TIAM1: variants seen among roughly 807,000 people sequenced by gnomAD.
TIAM1 encodes the protein rho guanine nucleotide exchange factor TIAM1.
A neutral mutation model predicts 163.5 loss-of-function variants in TIAM1; 65 were observed. The ratio of observed to expected loss-of-function variants is 0.40; its 90% CI spans 0.33 to 0.49. The LOEUF (loss-of-function observed/expected upper bound fraction) is 0.49, where lower values mean the gene tolerates loss of function less well. TIAM1 is among the 20% of genes least tolerant of loss of function. The pLI is 0.77. For synonymous variants in TIAM1, 833 were observed against 810.1 expected (o/e 1.03, Z -0.48); for missense variants, 1,789 against 2,044.7 (o/e 0.87, Z 2.41).
In TIAM1 at chr21:31,118,908, G is replaced by A. The variant is rs2081901563; in HGVS notation, c.*1460C>T. 1 of 232,922 alleles carries A rather than the reference G, an allele frequency of 4.3e-6. No homozygotes were observed. 14.4% of individuals were successfully genotyped at this position (232,922 alleles called of 1,614,324 possible). Reference sequence around the variant, plus strand: ...TGATGTACTGAACTCTCTATTGTCTGGAAATATAAAGTCATAACTGATTTT... The same window carrying A: ...TGATGTACTGAACTCTCTATTGTCTAGAAATATAAAGTCATAACTGATTTT... On this transcript the variant is annotated 3_prime_UTR_variant, in exon 28 of 28. Coordinates refer to ENST00000541036, the MANE Select transcript of TIAM1 (RefSeq NM_001353694.2).
chr21:31,127,975 A>G (rs1347077437), intron 25 of TIAM1, among the ~76,000 whole-genome samples: 1 of 152,180 alleles, frequency 6.6e-6, no homozygotes, highest in Non-Finnish European at 1.5e-5. Flanking sequence ...CACAGCAGAA[A>G]ATGGTATATC....
intron 2 of TIAM1, among the ~76,000 whole-genome samples, chr21:31,448,322 A>T (rs1177442923): frequency 6.6e-6 from 1 of 152,152 alleles, no homozygotes; most frequent in African/African-American, 2.4e-5. Context: ...TGCAACTTGG[A>T]GGCCAGGCGC....
At chr21:31,213,213 C>T (rs750111653) in intron 10 of TIAM1, 185 bp downstream of exon 10, 13 of 537,030 alleles carry the variant, frequency 2.4e-5, no homozygotes, top group Non-Finnish European at 3.9e-5. Flanking sequence ...GTTCCCTCTA[C>T]CACTCAGTTT....
At chr21:31,470,440 G>A (rs2045700042) in intron 1 of TIAM1, among the ~76,000 whole-genome samples, 1 of 151,748 alleles carries the variant, frequency 6.6e-6, no homozygotes, top group Non-Finnish European at 1.5e-5. Flanking sequence ...TTCAAGCGAT[G>A]CTCCTGCCTC....
intron 1 of TIAM1, among the ~76,000 whole-genome samples, chr21:31,503,615 G>T (rs1215211302): frequency 8.3e-6 from 1 of 120,390 alleles, no homozygotes; most frequent in Non-Finnish European, 1.8e-5. Context: ...GGAGGGGAGG[G>T]ACCTGAAATC....
chr21:31,452,586 C>T (rs867433456), intron 2 of TIAM1: 3 of 581,534 alleles, frequency 5.2e-6, no homozygotes, highest in South Asian at 1.7e-5. Context: ...TTCCTGGAAT[C>T]GATATAGCAC....
chr21:31,125,687 GC>G (rs2082170149), intron 26 of TIAM1, among the ~76,000 whole-genome samples: 1 of 152,204 alleles, frequency 6.6e-6, no homozygotes, highest in South Asian at 2.1e-4. Context: ...TGATTGTCCT[GC>G]CTCAGCCTCC....
At chr21:31,243,824 A>G (rs1233567272) in intron 6 of TIAM1, among the ~76,000 whole-genome samples, 1 of 152,206 alleles carries the variant, frequency 6.6e-6, no homozygotes, top group Non-Finnish European at 1.5e-5. Flanking sequence ...AAGCAGTGGG[A>G]TTTTCAAAGC....
chr21:31,489,370 GA>G (rs1321688368), intron 1 of TIAM1, among the ~76,000 whole-genome samples: 24 of 102,856 alleles, frequency 2.3e-4, no homozygotes, highest in East Asian at 1.4e-3. Flanking sequence ...TTGGGGGGGA[GA>G]GGAGGAGGAG....
intron 1 of TIAM1, among the ~76,000 whole-genome samples, chr21:31,487,668 C>T (rs1241393789): frequency 1.3e-5 from 2 of 151,686 alleles, no homozygotes; most frequent in Admixed American, 1.3e-4. Context: ...CGCCATTCTC[C>T]TGCCTCAGCC....
chr21:31,281,832 T>C (rs1569158031), intron 2 of TIAM1, among the ~76,000 whole-genome samples: 1 of 151,762 alleles, frequency 6.6e-6, no homozygotes, highest in Non-Finnish European at 1.5e-5. Context: ...AGAGTGATAG[T>C]GGATGGTGAA....
At chr21:31,492,776 TACACACACACACAC>T (rs3055373) in intron 1 of TIAM1, among the ~76,000 whole-genome samples, 22,619 of 139,680 alleles carry the variant, frequency 0.16, 1,960 homozygotes, top group African/African-American at 0.22. Flanking sequence ...TATTTTGGGT[TACACACACACACAC>T]ACACACACAC....
chr21:31,168,626 T>C (rs1208248719), intron 15 of TIAM1, among the ~76,000 whole-genome samples: 1 of 152,170 alleles, frequency 6.6e-6, no homozygotes, highest in African/African-American at 2.4e-5. Flanking sequence ...GGTCTCGATC[T>C]CCTAACCTCG....
At chr21:31,230,920 G>A (rs1269176915) in intron 6 of TIAM1, among the ~76,000 whole-genome samples, 6 of 151,802 alleles carry the variant, frequency 4.0e-5, no homozygotes, top group African/African-American at 7.3e-5. Flanking sequence ...ACCCTGCCTC[G>A]GCCTCCCAAA....
chr21:31,521,475 C>T (rs915303169), intron 1 of TIAM1, among the ~76,000 whole-genome samples: 1 of 152,132 alleles, frequency 6.6e-6, no homozygotes, highest in Admixed American at 6.5e-5. Flanking sequence ...AGAGTGCACA[C>T]CTGTAATCCC....
intron 1 of TIAM1, among the ~76,000 whole-genome samples, chr21:31,555,161 C>T (rs1164483928): frequency 2.7e-5 from 4 of 149,282 alleles, no homozygotes; most frequent in Non-Finnish European, 5.9e-5. Flanking sequence ...ATTTGGCCTA[C>T]AATGATGATG....
intron 12 of TIAM1, among the ~76,000 whole-genome samples, chr21:31,199,218 C>T (rs571935617): frequency 3.3e-5 from 5 of 152,256 alleles, no homozygotes; most frequent in East Asian, 3.9e-4. Context: ...TCTGAGCCAC[C>T]GTCACGCTCT....
chr21:31,260,581 C>T (rs1392822318), intron 4 of TIAM1, among the ~76,000 whole-genome samples: 1 of 151,564 alleles, frequency 6.6e-6, no homozygotes, highest in Non-Finnish European at 1.5e-5. Flanking sequence ...TTCCAACTTC[C>T]CAAAAACAGA....
chr21:31,530,713 G>A lies in TIAM1; in HGVS notation c.-422+28214C>T, dbSNP rs1310521114. ...AGCTGTCCCCACCAGCTGGTCAGCC[G>A]CACTTCGCATCCCCAGAACCAACCT... On this transcript the variant is annotated intron_variant, in intron 1 of 28. Transcript: ENST00000286827. 3.3e-5 allele frequency among the ~76,000 whole-genome samples: 5 copies of A among 152,068 alleles called. No homozygotes were observed. The South Asian group carries it at 6.2e-4, about 19-fold the overall frequency.
Sources: gnomAD v4.1 joint callset for allele counts (sites outside exome capture counted in the v4.1 genomes callset) on GRCh38, gnomAD v4.1.1 for gene constraint, MANE v1.5 for transcripts, NCBI Gene and HGNC (gene_info 2026-07-23, HGNC 2026-07-21) for gene names.